UBE2E2: variants seen among roughly 807,000 people sequenced by gnomAD.
UBE2E2 encodes the protein ubiquitin-conjugating enzyme E2 E2.
Under a neutral mutation model 24.7 loss-of-function variants are expected in UBE2E2, and 6 were observed. That is an observed-to-expected ratio of 0.24 (90% confidence interval 0.13 to 0.48). The LOEUF is 0.48. Among genes scored for constraint, UBE2E2 ranks in the 20% least tolerant of loss-of-function variants. UBE2E2 has a pLI of 0.99. For missense variants in UBE2E2, 169 were observed against 245.0 expected (o/e 0.69, Z 2.07); for synonymous variants, 104 against 83.6 (o/e 1.24, Z -1.33).
chr3:23,545,025 G>T (rs1187218460), intron 5 of UBE2E2, among the ~76,000 whole-genome samples: 1 of 152,218 alleles, frequency 6.6e-6, no homozygotes. Context: ...CAGTATTGCT[G>T]CCCGCATGTC....
At chr3:23,296,563 G>GT in intron 3 of UBE2E2, among the ~76,000 whole-genome samples, 1 of 152,060 alleles carries the variant, frequency 6.6e-6, no homozygotes, top group Non-Finnish European at 1.5e-5. Flanking sequence ...GCGGTGTTTG[G>GT]TTTTTTGTCC....
At chr3:23,248,870 G>A (rs768321384) in intron 3 of UBE2E2, among the ~76,000 whole-genome samples, 1 of 152,224 alleles carries the variant, frequency 6.6e-6, no homozygotes, top group Non-Finnish European at 1.5e-5. Flanking sequence ...CAGTGCTAGA[G>A]GAACATTGGC....
At chr3:23,263,170 A>G (rs752712863) in intron 3 of UBE2E2, among the ~76,000 whole-genome samples, 1 of 152,192 alleles carries the variant, frequency 6.6e-6, no homozygotes, top group Non-Finnish European at 1.5e-5. Context: ...CACACTGACT[A>G]CTTGAGCCAT....
chr3:23,374,082 A>C (rs1696461472), intron 3 of UBE2E2, among the ~76,000 whole-genome samples: 1 of 152,214 alleles, frequency 6.6e-6, no homozygotes, highest in South Asian at 2.1e-4. Context: ...CTAATATTTT[A>C]AAATATTAAG....
intron 3 of UBE2E2, among the ~76,000 whole-genome samples, chr3:23,372,169 T>G (rs113039179): frequency 6.6e-6 from 1 of 152,150 alleles, no homozygotes; most frequent in African/African-American, 2.4e-5. Flanking sequence ...TAAATAAAAC[T>G]TAATGTTTAT....
intron 3 of UBE2E2, among the ~76,000 whole-genome samples, chr3:23,483,221 C>A (rs1367696845): frequency 6.6e-6 from 1 of 152,208 alleles, no homozygotes; most frequent in Non-Finnish European, 1.5e-5. Flanking sequence ...GTTTGAAATA[C>A]AGTTTCATCA....
At chr3:23,483,414 C>G (rs1418200187) in intron 3 of UBE2E2, among the ~76,000 whole-genome samples, 1 of 152,184 alleles carries the variant, frequency 6.6e-6, no homozygotes, top group Non-Finnish European at 1.5e-5. Flanking sequence ...TATAAAATGT[C>G]TTAATTCTTA....
intron 3 of UBE2E2, among the ~76,000 whole-genome samples, chr3:23,316,393 T>C (rs1684188089): frequency 6.6e-6 from 1 of 151,736 alleles, no homozygotes; most frequent in South Asian, 2.1e-4. Context: ...TGGTCCATTG[T>C]CACCACAGGC....
chr3:23,479,813 C>T (rs943489929), intron 3 of UBE2E2, among the ~76,000 whole-genome samples: 1 of 152,184 alleles, frequency 6.6e-6, no homozygotes, highest in Non-Finnish European at 1.5e-5. Context: ...AGCAGGTCAT[C>T]TAGAGGAGTG....
At chr3:23,226,972 C>CA (rs920959203) in intron 3 of UBE2E2, among the ~76,000 whole-genome samples, 408 of 81,600 alleles carry the variant, frequency 5.0e-3, no homozygotes, top group Middle Eastern at 7.6e-3. Context: ...CCATGAAGAC[C>CA]AAAAAAAAAA....
Position 23,407,288 on chromosome 3 carries a change from C to G in UBE2E2, c.228-92320C>G. 6.6e-6 allele frequency among the ~76,000 whole-genome samples: 1 copy of G among 151,962 alleles called. No homozygotes were observed. Among genetic ancestry groups the G allele is most frequent in the African/African-American group, 2.4e-5 (1 of 41,358 alleles). On this transcript the variant is annotated intron_variant, in intron 3 of 5. Transcript: ENST00000396703. This position sits in a 1 kb window ranked among gnomAD's most constrained non-coding sequence, Gnocchi z 4.0. ...AAGAATAAAAAGATTCAGATGACAT[C>G]TGAGACAACCTGGTATAAACAGCCC...
chr3:23,480,471 C>A (rs577274521), intron 3 of UBE2E2, among the ~76,000 whole-genome samples: 2 of 152,274 alleles, frequency 1.3e-5, no homozygotes, highest in South Asian at 4.1e-4. Flanking sequence ...CCTGCCCCGC[C>A]AGCTTAGTAG....
At chr3:23,459,630 C>T (rs1050190709) in intron 3 of UBE2E2, among the ~76,000 whole-genome samples, 1 of 152,130 alleles carries the variant, frequency 6.6e-6, no homozygotes, top group Non-Finnish European at 1.5e-5. Context: ...CTGTAATAAC[C>T]TTTCTATTGC....
intron 5 of UBE2E2, among the ~76,000 whole-genome samples, chr3:23,560,864 T>G (rs957515224): frequency 2.0e-5 from 3 of 152,258 alleles, no homozygotes; most frequent in Non-Finnish European, 4.4e-5. Context: ...CATACATGTC[T>G]TCTTTTGAGA....
intron 3 of UBE2E2, among the ~76,000 whole-genome samples, chr3:23,470,660 A>G (rs909567856): frequency 1.3e-5 from 2 of 152,350 alleles, no homozygotes; most frequent in Admixed American, 1.3e-4. Context: ...TAAGAACTGC[A>G]TTTGATGCCA....
chr3:23,404,682 A>G (rs1697315414), intron 3 of UBE2E2, among the ~76,000 whole-genome samples: 1 of 152,184 alleles, frequency 6.6e-6, no homozygotes, highest in Admixed American at 6.5e-5. Flanking sequence ...CTTTTTGTTC[A>G]TCAGCATTTT....
intron 3 of UBE2E2, among the ~76,000 whole-genome samples, chr3:23,373,886 C>T (rs1696456544): frequency 6.6e-6 from 1 of 152,106 alleles, no homozygotes; most frequent in Non-Finnish European, 1.5e-5. Context: ...CAAATGTAAA[C>T]ATATGTCATT....
intron 3 of UBE2E2, among the ~76,000 whole-genome samples, chr3:23,224,156 GTTTTTT>G (rs531661466): frequency 5.4e-4 from 51 of 93,704 alleles, no homozygotes; most frequent in Non-Finnish European, 8.8e-4. Flanking sequence ...TAAATTTTAG[GTTTTTT>G]TTTTTTTTTT....
chr3:23,236,483 C>CTTTTTTTT (rs530403264), intron 3 of UBE2E2, among the ~76,000 whole-genome samples: 1 of 124,358 alleles, frequency 8.0e-6, no homozygotes, highest in Non-Finnish European at 1.8e-5. Context: ...TTCTTAGGTC[C>CTTTTTTTT]TTTTTTTTTT....
Sources: gnomAD v4.1 joint callset for allele counts (sites outside exome capture counted in the v4.1 genomes callset) on GRCh38, gnomAD v4.1.1 for gene constraint, Gnocchi (gnomAD v3.1) non-coding constraint, MANE v1.5 for transcripts, NCBI Gene and HGNC (gene_info 2026-07-23, HGNC 2026-07-21) for gene names.